The following FANCD2 variants were observed in gnomAD, a reference collection of about 807,000 sequenced individuals.
FANCD2 encodes the protein FA complementation group D2, also known as Fanconi anemia group D2 protein.
A neutral mutation model predicts 192.3 loss-of-function variants in FANCD2; 131 were observed. The ratio of observed to expected loss-of-function variants is 0.68; its 90% confidence interval spans 0.59 to 0.79. The LOEUF (loss-of-function observed/expected upper bound fraction) is 0.79, where lower values mean the gene tolerates loss of function less well. FANCD2 is among the 30% of genes least tolerant of loss of function. The pLI is 0.00. For missense variants in FANCD2, 1,508 were observed against 1,701.6 expected (o/e 0.89, Z 2.00); for synonymous variants, 524 against 612.5 (o/e 0.86, Z 2.13).
intron 42 of FANCD2, 130 bp downstream of exon 42, chr3:10,096,602 G>T: frequency 1.2e-6 from 1 of 849,288 alleles, no homozygotes; most frequent in South Asian, 1.4e-5. Flanking sequence ...GTCTGTGACT[G>T]TTTAACTCTT....
intron 9 of FANCD2, 76 bp downstream of exon 9, chr3:10,039,921 T>C: frequency 6.4e-7 from 1 of 1,554,740 alleles, no homozygotes; most frequent in South Asian, 1.1e-5. Flanking sequence ...CAAAGAGCAG[T>C]AGTAATATGG....
rs1332199578 is a variant in FANCD2, at chr3:10,067,249, A to C, written c.2426A>C (p.Lys809Thr). Residue 809 changes from lysine (K) to threonine (T), a missense_variant, in exon 26 of 44, where the codon AAG (lysine) becomes ACG (threonine). Physicochemically the swap from Lys to Thr is moderately conservative, Grantham distance 78. Around this residue, in one of 5 missense-constraint regions of FANCD2, gnomAD observed 796 missense variants for 879.4 expected, o/e 0.91. Transcript: ENST00000675286. ...TGCCAGGAAACATCACCTGAGATGA[A>C]GGGGAAGGTGCTCACTCGGTTAAAG... ...AFCQETSPEM[K>T]GKVLTRLKHI... is the part of the protein sequence containing the mutation. 2 of 1,613,586 alleles carry C rather than the reference A, an allele frequency of 1.2e-6. No individual in the cohort carries two copies. Among genetic ancestry groups the C allele is most frequent in the African/African-American group, 2.7e-5 (2 of 74,908 alleles).
At position 10,090,443 on chromosome 3, in the gene FANCD2, A is replaced by ATT. The variant is rs773716319; in HGVS notation, c.3777+85_3777+86dup. The ATT allele has an allele frequency of 0.032, 10,770 of 334,138 alleles. 45 individuals are homozygous for ATT. The highest frequency in any genetic ancestry group is 0.045 in the South Asian group (2,017 of 44,390). 20.7% of individuals were successfully genotyped at this position (334,138 alleles called of 1,614,324 possible). On this transcript the variant is annotated intron_variant, in intron 37 of 43. Transcript: ENST00000675286. ...ACTTTGGATTACTTGGAAGTTGCTG[A>ATT]TTTTTTTTTTTTTTTTTTTTTTTTT...
chr3:10,101,145 G>C (rs761006502), intron 43 of FANCD2, 43 bp from the exon 44 acceptor site: 2 of 1,420,454 alleles, frequency 1.4e-6, no homozygotes, highest in African/African-American at 2.8e-5. Flanking sequence ...GTCACCCAGA[G>C]CAGTAACCTA....
chr3:10,034,464 C>T lies in FANCD2; in HGVS notation c.206-5C>T, dbSNP rs2086681259. On this transcript the variant is annotated splice_polypyrimidine_tract_variant and splice_region_variant and intron_variant, in intron 3 of 43. Coordinates refer to ENST00000675286, the MANE Select transcript of FANCD2 (RefSeq NM_001018115.3). ...TGGTGACCAGCTCTTCTTTTTTCTGCATAGCTGTGGATCAAATAGCTTTCC... is the reference window on the plus strand; with the variant it reads ...TGGTGACCAGCTCTTCTTTTTTCTGTATAGCTGTGGATCAAATAGCTTTCC... 2.5e-6 allele frequency: 4 copies of T among 1,608,936 alleles called. No individual in the cohort carries two copies. Among genetic ancestry groups the T allele is most frequent in the Non-Finnish European group, 3.4e-6 (4 of 1,175,714 alleles).
rs1487462230 is a variant in FANCD2, at chr3:10,034,746, A to G, written c.325A>G (p.Ser109Gly). 2 of 1,572,280 alleles carry G rather than the reference A, an allele frequency of 1.3e-6. No individual in the cohort carries two copies. Among genetic ancestry groups the G allele is most frequent in the Non-Finnish European group, 8.6e-7 (1 of 1,158,560 alleles). Residue 109 changes from serine to glycine, a missense_variant, in exon 5 of 44, where the codon AGT becomes GGT. This residue lies in a region of FANCD2 where 435 missense variants were observed against 421.9 expected (regional missense o/e 1.03). Coordinates refer to ENST00000675286, the MANE Select transcript of FANCD2 (RefSeq NM_001018115.3). Reference sequence around the variant, plus strand: ...GGAGTCTTACATTGAGGATGAAGACAGTTTCAGGAACTGCCTTTTGTCTTG... The same window carrying G: ...GGAGTCTTACATTGAGGATGAAGACGGTTTCAGGAACTGCCTTTTGTCTTG... ...GLESYIEDED[S>G]FRNCLLSCER...
intron 36 of FANCD2, among the ~76,000 whole-genome samples, chr3:10,090,004 A>G (rs1004005322): frequency 6.6e-6 from 1 of 152,234 alleles, no homozygotes; most frequent in Non-Finnish European, 1.5e-5. Flanking sequence ...CGTGCAATAA[A>G]ATAAACATAG....
chr3:10,041,718 A>G lies in FANCD2; in HGVS notation c.783+8A>G. On this transcript the variant is annotated splice_region_variant and intron_variant, in intron 10 of 43. Coordinates refer to ENST00000675286, the MANE Select transcript of FANCD2 (RefSeq NM_001018115.3). ...CCAAACTTCCTATTGAAGGTAGAAA[A>G]GACTCAGCTTTCCAGAAACAGAGCC... 6.2e-7 allele frequency: 1 copy of G among 1,609,324 alleles called. No homozygotes were observed. Among genetic ancestry groups the G allele is most frequent in the South Asian group, 1.1e-5 (1 of 90,994 alleles).
rs532765216 is a variant in FANCD2, at chr3:10,036,086, C to CT, written c.439-182dup. Reference sequence around the variant, plus strand: ...TAGTTGGAAAGAGAATTATACATTTCTTTTTTTTTTTTTTTTTTTGAGTCA... The same window carrying CT: ...TAGTTGGAAAGAGAATTATACATTTCTTTTTTTTTTTTTTTTTTTTGAGTCA... On this transcript the variant is annotated intron_variant, in intron 6 of 43. Coordinates refer to ENST00000675286, the MANE Select transcript of FANCD2 (RefSeq NM_001018115.3). 8.6e-3 allele frequency among the ~76,000 whole-genome samples: 878 copies of CT among 102,554 alleles called. 40 individuals carry two copies. Among genetic ancestry groups the CT allele is most frequent in the East Asian group, 0.023 (99 of 4,218 alleles). The allele number at this position is 102,554 out of a possible 152,430, so 67.3% of individuals were successfully genotyped here.
At chr3:10,086,118 T>C (rs1407219146) in intron 33 of FANCD2, among the ~76,000 whole-genome samples, 196 bp downstream of exon 33, 2 of 152,266 alleles carry the variant, frequency 1.3e-5, no homozygotes, top group Non-Finnish European at 2.9e-5. Flanking sequence ...TGAATAATCA[T>C]GCTAAATCTT....
chr3:10,072,424 G>A (rs1359530683), intron 26 of FANCD2, among the ~76,000 whole-genome samples: 17 of 151,836 alleles, frequency 1.1e-4, no homozygotes, highest in Admixed American at 5.3e-4. Context: ...GATTACAGGC[G>A]TCTGCCAGCA....
chr3:10,085,159 C>T lies in FANCD2; in HGVS notation c.3225-653C>T, dbSNP rs578201085. Among the ~76,000 whole-genome samples, 4 of 152,244 alleles carry T rather than the reference C, an allele frequency of 2.6e-5. No individual in the cohort carries two copies. The East Asian group carries it at 7.7e-4, about 29-fold the overall frequency. ...ATTCCTGTATTTTTGAAGAAGACTA[C>T]ATATCTCTAAAATATAGGGAATGAA... On this transcript the variant is annotated intron_variant, in intron 32 of 43. Coordinates refer to ENST00000675286, the MANE Select transcript of FANCD2 (RefSeq NM_001018115.3).
At chr3:10,080,045 G>A (rs1378011396) in intron 30 of FANCD2, among the ~76,000 whole-genome samples, 1 of 151,696 alleles carries the variant, frequency 6.6e-6, no homozygotes, top group African/African-American at 2.4e-5. Context: ...CTCCCGAGGA[G>A]CTGGGACTAC....
chr3:10,033,414 A>G (rs983661592), intron 3 of FANCD2, among the ~76,000 whole-genome samples: 1 of 152,022 alleles, frequency 6.6e-6, no homozygotes, highest in African/African-American at 2.4e-5. Context: ...AAAAACAAAA[A>G]TGGAAAAAGA....
At chr3:10,027,132 ACTCTGAATATT>A (rs1204955636) in intron 1 of FANCD2, among the ~76,000 whole-genome samples, 1 of 152,180 alleles carries the variant, frequency 6.6e-6, no homozygotes, top group Non-Finnish European at 1.5e-5. Flanking sequence ...AGCTTTTTTC[ACTCTGAATATT>A]CTCAGAAATT....
intron 18 of FANCD2, among the ~76,000 whole-genome samples, chr3:10,059,492 G>A (rs376543284): frequency 4.6e-5 from 7 of 151,940 alleles, no homozygotes; most frequent in East Asian, 3.9e-4. Context: ...ATAATGTATC[G>A]CTAATCCTTA....
intron 39 of FANCD2, 113 bp from the exon 40 acceptor site, chr3:10,094,176 T>TTA (rs933241767): frequency 8.9e-6 from 7 of 786,938 alleles, no homozygotes; most frequent in Admixed American, 2.1e-5. Context: ...AATTTGTTTT[T>TTA]TATATATATA....
At chr3:10,081,485 G>T (rs901830839) in intron 32 of FANCD2, 21 bp downstream of exon 32, 5 of 1,471,458 alleles carry the variant, frequency 3.4e-6, no homozygotes, top group Non-Finnish European at 4.8e-6. Context: ...GGGAAGTGTG[G>T]AGAGAACTGA....
rs1325535617 is a variant in FANCD2, at chr3:10,039,271, C to T, written c.492-8C>T. On this transcript the variant is annotated splice_region_variant and splice_polypyrimidine_tract_variant and intron_variant, in intron 7 of 43. Coordinates refer to ENST00000675286, the MANE Select transcript of FANCD2 (RefSeq NM_001018115.3). ...TCAGTTCCCTGTTTTCTCTTCCTAACATTTTAGCAAGAACAGTGATGAAAT... is the reference window on the plus strand; with the variant it reads ...TCAGTTCCCTGTTTTCTCTTCCTAATATTTTAGCAAGAACAGTGATGAAAT... The T allele has an allele frequency of 3.7e-6, 6 of 1,607,770 alleles. No individual in the cohort carries two copies. In the Admixed American group the frequency reaches 6.7e-5, roughly 18 times the overall value.
Sources: gnomAD v4.1 joint callset for allele counts (sites outside exome capture counted in the v4.1 genomes callset) on GRCh38, gnomAD v4.1.1 for gene constraint, gnomAD v4.1.1 regional missense constraint, MANE v1.5 for transcripts, NCBI Gene and HGNC (gene_info 2026-07-23, HGNC 2026-07-21) for gene names.